ZNF432: variants seen among roughly 807,000 people sequenced by gnomAD.
ZNF432 encodes zinc finger protein 432.
Under a neutral mutation model 13.9 loss-of-function variants are expected in ZNF432, and 10 were observed. That is an observed-to-expected ratio of 0.72 (90% CI 0.44 to 1.22). The LOEUF is 1.22. Ranked by LOEUF, ZNF432 falls within the 50% of genes most tolerant of loss-of-function variation. ZNF432 has a pLI of 0.00. For missense variants in ZNF432, 793 were observed against 796.2 expected (o/e 1.00, Z 0.05); for synonymous variants, 247 against 256.2 (o/e 0.96, Z 0.34).
chr19:52,043,280 C>G (rs1234858946), intron 2 of ZNF432, among the ~76,000 whole-genome samples: 1 of 152,200 alleles, frequency 6.6e-6, no homozygotes, highest in Non-Finnish European at 1.5e-5. Flanking sequence ...CCCGTGCTCT[C>G]GGAAACATGT....
At position 52,032,442 on chromosome 19, in the gene ZNF432, T is replaced by A. The variant is rs916585913; in HGVS notation, c.*1278A>T. On this transcript the variant is annotated 3_prime_UTR_variant, in exon 5 of 5. Transcript: ENST00000221315. ...TGACAGTCCTCAAATATGGTTTTTT[T>A]TTTTTTTTTTTGAGGCAGAGTTTCG... is the stretch of plus-strand genomic sequence containing the variant. The A allele has an allele frequency of 6.6e-6, 1 of 151,230 alleles. No individual in the cohort carries two copies. The highest frequency in any genetic ancestry group is 6.6e-5 in the Admixed American group (1 of 15,170). 9.4% of individuals were successfully genotyped at this position (151,230 alleles called of 1,614,324 possible).
At position 52,035,445 on chromosome 19, in the gene ZNF432, G is replaced by A. The variant is rs772117305; in HGVS notation, c.239-5C>T. 3.3e-6 allele frequency: 5 copies of A among 1,524,352 alleles called. No homozygotes were observed. Among genetic ancestry groups the A allele is most frequent in the Non-Finnish European group, 4.4e-6 (5 of 1,141,982 alleles). 94.4% of individuals were successfully genotyped at this position (1,524,352 alleles called of 1,614,324 possible). A position where few individuals can be genotyped will look rare whatever the true frequency, so the allele number is the denominator to read the frequency against. On this transcript the variant is annotated splice_region_variant and splice_polypyrimidine_tract_variant and intron_variant, in intron 4 of 4. Transcript: ENST00000221315. Reference sequence around the variant, plus strand: ...GATCATCAACTTCGTTGTTTTCTAGGAAAGAAGAGAACAATGAATCCTTTT... The same window carrying A: ...GATCATCAACTTCGTTGTTTTCTAGAAAAGAAGAGAACAATGAATCCTTTT...
At chr19:52,040,643 A>C in intron 3 of ZNF432, 60 bp from the exon 4 acceptor site, 1 of 1,371,990 alleles carries the variant, frequency 7.3e-7, no homozygotes, top group Non-Finnish European at 1.0e-6. Context: ...ATGTAATGTG[A>C]GAGAATGTTA....
intron 2 of ZNF432, among the ~76,000 whole-genome samples, chr19:52,041,825 T>C (rs576885111): frequency 6.6e-6 from 1 of 152,334 alleles, no homozygotes; most frequent in Non-Finnish European, 1.5e-5. Context: ...TCAAATCCTC[T>C]CAGTAAAAGC....
chr19:52,036,843 G>T (rs369911866), intron 4 of ZNF432, among the ~76,000 whole-genome samples: 58 of 152,208 alleles, frequency 3.8e-4, no homozygotes, highest in African/African-American at 1.3e-3. Context: ...ATTGATTTTT[G>T]TATTGTTTGT....
At chr19:52,038,116 T>A (rs2087101926) in intron 4 of ZNF432, among the ~76,000 whole-genome samples, 1 of 152,220 alleles carries the variant, frequency 6.6e-6, no homozygotes, top group Non-Finnish European at 1.5e-5. Context: ...ATTACTCATA[T>A]ATACAATCAA....
chr19:52,034,951 G>T lies in ZNF432; in HGVS notation c.728C>A (p.Ser243Tyr). ...YGCTLCAKVFSRKSRLNEHQR... is the reference protein window; with the variant it reads ...YGCTLCAKVFYRKSRLNEHQR... ...ATGTTCATTTAGCCTGGACTTTCTG[G>T]AGAACACTTTTGCACACAAAGTACA... Residue 243 changes from serine to tyrosine, a missense_variant, in exon 5 of 5, where the codon TCC becomes TAC. Coordinates refer to ENST00000221315, the MANE Select transcript of ZNF432 (RefSeq NM_014650.4). 3 of 1,612,448 alleles carry T rather than the reference G, an allele frequency of 1.9e-6. No homozygotes were observed. The highest frequency in any genetic ancestry group is 2.5e-6 in the Non-Finnish European group (3 of 1,179,456).
chr19:52,035,186 A>C lies in ZNF432; in HGVS notation c.493T>G (p.Phe165Val). The change falls in exon 5 of 5, where the codon TTT becomes GTT. Residue 165 changes from phenylalanine to valine, a missense_variant. Transcript: ENST00000221315. ...STKFSGDGKS[F>V]LHGNYEELYS... ...AGTTCTTCATAGTTACCATGAAGAA[A>C]TGATTTCCCATCTCCACTAAATTTA... 1 of 1,613,286 alleles carries C rather than the reference A, an allele frequency of 6.2e-7. No individual in the cohort carries two copies. Among genetic ancestry groups the C allele is most frequent in the Non-Finnish European group, 8.5e-7 (1 of 1,179,850 alleles).
Position 52,032,397 on chromosome 19 carries a change from G to A in ZNF432, c.*1323C>T, listed in dbSNP as rs1404577728. 6.7e-6 allele frequency: 1 copy of A among 148,856 alleles called. No homozygotes were observed. The highest frequency in any genetic ancestry group is 1.5e-5 in the Non-Finnish European group (1 of 67,450). The allele number at this position is 148,856 out of a possible 1,614,324, so 9.2% of individuals were successfully genotyped here. ...TGCTGTCACAGAATAGATATCAAGTGTATCATGAGTTTAGATTTGTGACAG... is the reference window on the plus strand; with the variant it reads ...TGCTGTCACAGAATAGATATCAAGTATATCATGAGTTTAGATTTGTGACAG... On this transcript the variant is annotated 3_prime_UTR_variant, in exon 5 of 5. Transcript: ENST00000221315.
chr19:52,038,654 C>T (rs879500027), intron 4 of ZNF432, among the ~76,000 whole-genome samples: 3 of 152,226 alleles, frequency 2.0e-5, no homozygotes, highest in Non-Finnish European at 2.9e-5. Context: ...GCCTTGTGCA[C>T]ATCATACTCT....
At chr19:52,047,564 G>C (rs548926138) in intron 1 of ZNF432, among the ~76,000 whole-genome samples, 2 of 151,972 alleles carry the variant, frequency 1.3e-5, no homozygotes, top group East Asian at 3.9e-4. Context: ...TGTAATCCCA[G>C]CTACTCGGAG....
intron 2 of ZNF432, among the ~76,000 whole-genome samples, chr19:52,043,325 C>G (rs1027652955): frequency 1.3e-5 from 2 of 152,160 alleles, no homozygotes; most frequent in Non-Finnish European, 2.9e-5. Flanking sequence ...GGATTAAGGG[C>G]GGTGCAAGAT....
In ZNF432 at chr19:52,034,976, A is replaced by T. The variant is rs753157814; in HGVS notation, c.703T>A (p.Cys235Ser). The T allele has an allele frequency of 3.1e-6, 5 of 1,613,364 alleles. No individual in the cohort carries two copies. In the Admixed American group the frequency reaches 6.7e-5, roughly 22 times the overall value. ...RVHTGEKPYG[C>S]TLCAKVFSRK... Reference sequence around the variant, plus strand: ...GAGAACACTTTTGCACACAAAGTACATCCATAAGGTTTTTCTCCTGTATGA... The same window carrying T: ...GAGAACACTTTTGCACACAAAGTACTTCCATAAGGTTTTTCTCCTGTATGA... Residue 235 changes from cysteine (C) to serine (S), a missense_variant, in exon 5 of 5, where the codon TGT (cysteine) becomes AGT (serine). By Grantham distance (112) the Cys-to-Ser change is moderately radical (BLOSUM62 -1). Transcript: ENST00000221315.
rs372225614 is a variant in ZNF432, at chr19:52,034,707, T to G, written c.972A>C (p.Lys324Asn). 1.2e-6 allele frequency: 2 copies of G among 1,613,832 alleles called. No individual in the cohort carries two copies. The highest frequency in any genetic ancestry group is 1.7e-6 in the Non-Finnish European group (2 of 1,179,878). ...TAAGCATGCTCTTCCCAGTGAAGCCTTTTCCACATTCACTACATATATAGG... is the reference window on the plus strand; with the variant it reads ...TAAGCATGCTCTTCCCAGTGAAGCCGTTTCCACATTCACTACATATATAGG... ...EKSYICSECG[K>N]GFTGKSMLII... The change falls in exon 5 of 5, where the codon AAA becomes AAC. Residue 324 changes from lysine (K) to asparagine (N), a missense_variant. Lys to Asn is a moderately conservative substitution (Grantham distance 94). Coordinates refer to ENST00000221315, the MANE Select transcript of ZNF432 (RefSeq NM_014650.4).
At chr19:52,036,069 C>T (rs1384515290) in intron 4 of ZNF432, among the ~76,000 whole-genome samples, 2 of 152,148 alleles carry the variant, frequency 1.3e-5, no homozygotes, top group Non-Finnish European at 2.9e-5. Context: ...TACAAGCAAA[C>T]AACAGGGCTT....
intron 3 of ZNF432, among the ~76,000 whole-genome samples, chr19:52,041,121 AAATT>A (rs1371294519): frequency 1.3e-5 from 2 of 152,060 alleles, no homozygotes; most frequent in Non-Finnish European, 2.9e-5. Flanking sequence ...ATAAATAAAT[AAATT>A]AATTAAAACA....
At chr19:52,037,837 G>A (rs1600050839) in intron 4 of ZNF432, among the ~76,000 whole-genome samples, 1 of 147,382 alleles carries the variant, frequency 6.8e-6, no homozygotes, top group Non-Finnish European at 1.5e-5. Flanking sequence ...CCATTTCAAT[G>A]TCCCTGATAC....
intron 3 of ZNF432, among the ~76,000 whole-genome samples, chr19:52,041,090 G>C (rs973606921): frequency 2.0e-5 from 3 of 152,048 alleles, no homozygotes; most frequent in Non-Finnish European, 4.4e-5. Context: ...GAAAGACCGA[G>C]ACACTGTCTC....
chr19:52,046,590 T>C (rs2087185331), intron 2 of ZNF432, among the ~76,000 whole-genome samples: 1 of 152,244 alleles, frequency 6.6e-6, no homozygotes, highest in African/African-American at 2.4e-5. Flanking sequence ...TATAACTTAG[T>C]GTGACTTTCT....
Sources: gnomAD v4.1 joint callset for allele counts (sites outside exome capture counted in the v4.1 genomes callset) on GRCh38, gnomAD v4.1.1 for gene constraint, MANE v1.5 for transcripts, NCBI Gene and HGNC (gene_info 2026-07-23, HGNC 2026-07-21) for gene names.